The following CDCA4 variants were observed in gnomAD, a reference collection of about 807,000 sequenced individuals.
CDCA4 encodes cell division cycle associated 4, also known as cell division cycle-associated protein 4.
For missense variants in CDCA4, 294 were observed against 322.1 expected (o/e 0.91, Z 0.67); for synonymous variants, 130 against 137.0 (o/e 0.95, Z 0.36).
intron 1 of CDCA4, among the ~76,000 whole-genome samples, chr14:105,012,367 G>A (rs1022483806): frequency 2.0e-5 from 3 of 152,258 alleles, no homozygotes; most frequent in African/African-American, 7.2e-5. Flanking sequence ...GTGCCAGCCT[G>A]CAGAGGGCGC....
intron 1 of CDCA4, 126 bp from the exon 2 acceptor site, chr14:105,012,061 GACAGAGCTGTAACTCCCTA>G: frequency 8.9e-7 from 1 of 1,121,812 alleles, no homozygotes; most frequent in East Asian, 2.4e-5. Context: ...GCAGGGACTT[GACAGAGCTGTAACTCCCTA>G]ACAGAGCTGA....
At chr14:105,018,589 C>G (rs1886144785) in intron 1 of CDCA4, among the ~76,000 whole-genome samples, 1 of 152,106 alleles carries the variant, frequency 6.6e-6, no homozygotes, top group Non-Finnish European at 1.5e-5. Context: ...ATGGTCTTAA[C>G]CAGCCCCGAG....
Position 105,011,468 on chromosome 14 carries a change from G to T in CDCA4, c.462C>A (p.Asn154Lys). ...CAAGTGACTTGTGAAAGCTTCCTCT[G>T]TTTTCTCGAGGGCCATCCATCTCCC... ...SAWEMDGPRE[N>K]RGSFHKSLDQ... Residue 154 changes from asparagine to lysine, a missense_variant, in exon 2 of 2, where the codon AAC becomes AAA. Physicochemically the swap from Asn to Lys is moderately conservative, Grantham distance 94. Transcript: ENST00000336219. 1 of 1,614,208 alleles carries T rather than the reference G, an allele frequency of 6.2e-7. No individual in the cohort carries two copies. Among genetic ancestry groups the T allele is most frequent in the Non-Finnish European group, 8.5e-7 (1 of 1,180,034 alleles).
chr14:105,012,154 C>T (rs1467187726), intron 1 of CDCA4, among the ~76,000 whole-genome samples: 1 of 152,218 alleles, frequency 6.6e-6, no homozygotes, highest in Non-Finnish European at 1.5e-5. Flanking sequence ...AAGCCAGGCA[C>T]AGTCACGTTG....
chr14:105,017,805 T>C (rs1886122176), intron 1 of CDCA4, among the ~76,000 whole-genome samples: 1 of 151,580 alleles, frequency 6.6e-6, no homozygotes. Context: ...CACTACAGCC[T>C]GAACAACAGA....
rs1824843648 is a variant in CDCA4 at position 105,011,076 on chromosome 14, C to G, written c.*128G>C. 1 of 1,179,240 alleles carries G rather than the reference C, an allele frequency of 8.5e-7. No homozygotes were observed. The highest frequency in any genetic ancestry group is 2.6e-5 in the East Asian group (1 of 38,944). 73.0% of individuals were successfully genotyped at this position (1,179,240 alleles called of 1,614,324 possible). On this transcript the variant is annotated 3_prime_UTR_variant, in exon 2 of 2. Transcript: ENST00000336219. The stretch of plus-strand genomic sequence containing the variant: ...GCAGCCCCACTGGTAATGGGCTGTT[C>G]TGGGATTTCTCAGAATCAGCAGACA...
At chr14:105,013,769 T>G (rs1900568328) in intron 1 of CDCA4, among the ~76,000 whole-genome samples, 1 of 152,172 alleles carries the variant, frequency 6.6e-6, no homozygotes. Context: ...GTGTCACAGA[T>G]CTCATCCCCG....
At chr14:105,019,854 C>T (rs1411179081) in intron 1 of CDCA4, among the ~76,000 whole-genome samples, 1 of 152,208 alleles carries the variant, frequency 6.6e-6, no homozygotes, top group Non-Finnish European at 1.5e-5. Flanking sequence ...ATTATGATTA[C>T]AGGCATGCGC....
chr14:105,011,856 T>C lies in CDCA4; in HGVS notation c.74A>G (p.Lys25Arg). 1 of 1,613,946 alleles carries C rather than the reference T, an allele frequency of 6.2e-7. No homozygotes were observed. Reference protein sequence around the residue: ...EDVEGALAGLKTVSSYSLQRQ... With the variant: ...EDVEGALAGLRTVSSYSLQRQ... The stretch of plus-strand genomic sequence containing the variant: ...CTGCAGGCTGTATGAGGACACTGTC[T>C]TCAAGCCGGCCAGGGCTCCCTCCAC... Residue 25 changes from lysine to arginine, a missense_variant, in exon 2 of 2, where the codon AAG becomes AGG. Lys to Arg is a conservative substitution (Grantham distance 26). Coordinates refer to ENST00000336219, the MANE Select transcript of CDCA4 (RefSeq NM_017955.4).
intron 1 of CDCA4, among the ~76,000 whole-genome samples, chr14:105,012,745 C>G (rs1374555188): frequency 6.6e-6 from 1 of 152,204 alleles, no homozygotes; most frequent in African/African-American, 2.4e-5. Flanking sequence ...TCCCCCCACC[C>G]GCCCCACCAG....
chr14:105,017,814 G>C (rs766379422), intron 1 of CDCA4, among the ~76,000 whole-genome samples: 3 of 151,694 alleles, frequency 2.0e-5, no homozygotes, highest in Admixed American at 6.6e-5. Flanking sequence ...CTGAACAACA[G>C]AGCGAGACTC....
chr14:105,017,987 G>C (rs1393831291), intron 1 of CDCA4, among the ~76,000 whole-genome samples: 6 of 152,074 alleles, frequency 3.9e-5, no homozygotes. Context: ...AAAGCAGCAA[G>C]ACACACACAA....
At chr14:105,012,009 G>C (rs1381541121) in intron 1 of CDCA4, 74 bp from the exon 2 acceptor site, 1 of 1,512,472 alleles carries the variant, frequency 6.6e-7, no homozygotes, top group Non-Finnish European at 8.9e-7. Context: ...GATTTCGTCT[G>C]ACTGCCCTCA....
chr14:105,011,345 C>T lies in CDCA4; in HGVS notation c.585G>A (p.Leu195=). The T allele has an allele frequency of 6.2e-7, 1 of 1,614,210 alleles. No individual in the cohort carries two copies. The highest frequency in any genetic ancestry group is 8.5e-7 in the Non-Finnish European group (1 of 1,180,028). ...DSPYYDLDTV[L]TGMMGGARPG... is the part of the protein sequence containing the mutation. ...GCCTGGCACCCCCCATCATGCCTGT[C>T]AGTACTGTGTCCAGGTCGTAGTAGG... Residue 195 remains leucine, a synonymous_variant, in exon 2 of 2, where the codon CTG becomes CTA. Transcript: ENST00000336219.
At chr14:105,019,714 G>GTTTTT (rs35462602) in intron 1 of CDCA4, among the ~76,000 whole-genome samples, 1 of 151,554 alleles carries the variant, frequency 6.6e-6, no homozygotes, top group African/African-American at 2.4e-5. Flanking sequence ...CAGGTATTTG[G>GTTTTT]TTTTTTTTGT....
intron 1 of CDCA4, among the ~76,000 whole-genome samples, chr14:105,012,831 C>T (rs562260626): frequency 7.9e-5 from 12 of 152,190 alleles, no homozygotes; most frequent in Non-Finnish European, 1.6e-4. Flanking sequence ...GCCCTCCACT[C>T]GAGAGCTCTG....
Position 105,010,202 on chromosome 14 carries a change from GACTTCA to G in CDCA4, c.*996_*1001del, listed in dbSNP as rs1900460207. 6.6e-6 allele frequency: 1 copy of G among 152,662 alleles called. No individual in the cohort carries two copies. The highest frequency in any genetic ancestry group is 2.1e-4 in the South Asian group (1 of 4,826). The allele number at this position is 152,662 out of a possible 1,614,324, so 9.5% of individuals were successfully genotyped here. On this transcript the variant is annotated 3_prime_UTR_variant, in exon 2 of 2. Transcript: ENST00000336219. The stretch of plus-strand genomic sequence containing the variant: ...ATGGATTCAGATTTCTTTCATTCTA[GACTTCA>G]ACCTAGCCTTAACCTTTTGTTTCAG...
At chr14:105,013,674 G>C (rs1306431064) in intron 1 of CDCA4, among the ~76,000 whole-genome samples, 2 of 152,038 alleles carry the variant, frequency 1.3e-5, no homozygotes, top group Non-Finnish European at 2.9e-5. Context: ...CCCTTCCCAG[G>C]AGCCCCTCTG....
At position 105,011,494 on chromosome 14, in the gene CDCA4, A is replaced by C; in HGVS notation, c.436T>G (p.Trp146Gly). 1 of 1,614,186 alleles carries C rather than the reference A, an allele frequency of 6.2e-7. No homozygotes were observed. Among genetic ancestry groups the C allele is most frequent in the South Asian group, 1.1e-5 (1 of 91,086 alleles). The change falls in exon 2 of 2, where the codon TGG becomes GGG. Residue 146 changes from tryptophan (W) to glycine (G), a missense_variant. Coordinates refer to ENST00000336219, the MANE Select transcript of CDCA4 (RefSeq NM_017955.4). ...TTTTCTCGAGGGCCATCCATCTCCC[A>C]GGCGCTGCTCTGCAGGTGCCTTGGT... is the stretch of plus-strand genomic sequence containing the variant. ...QAPRHLQSSA[W>G]EMDGPRENRG...
Sources: allele counts gnomAD v4.1 joint callset (sites outside exome capture counted in the v4.1 genomes callset), GRCh38; gene constraint gnomAD v4.1.1; transcripts MANE v1.5; gene names NCBI Gene and HGNC (gene_info 2026-07-23, HGNC 2026-07-21).